The following RBFOX1 variants were observed in gnomAD, a reference collection of about 807,000 sequenced individuals.
RBFOX1 encodes RNA binding fox-1 homolog 1.
Under a neutral mutation model 57.7 loss-of-function variants are expected in RBFOX1, and 8 were observed. The observed-to-expected ratio is 0.14, with a 90% CI of 0.08 to 0.25. The LOEUF is 0.25. RBFOX1 is among the 10% of genes least tolerant of loss of function. The pLI is 1.00. For missense variants in RBFOX1, 611 were observed against 548.5 expected, an observed-to-expected ratio of 1.11 and a Z score of -1.14; for synonymous variants, 326 against 222.4, an observed-to-expected ratio of 1.47 and a Z score of -4.15.
At chr16:5,832,256 G>C (rs1469865763) in intron 3 of RBFOX1, among the ~76,000 whole-genome samples, 3 of 152,330 alleles carry the variant, frequency 2.0e-5, no homozygotes, top group South Asian at 4.2e-4. Flanking sequence ...CCTGAAACAG[G>C]AGTAAGGCTG....
chr16:5,888,479 A>G (rs1034095912), intron 4 of RBFOX1, among the ~76,000 whole-genome samples: 12 of 152,272 alleles, frequency 7.9e-5, no homozygotes, highest in Non-Finnish European at 1.2e-4. Context: ...TACTGAAACC[A>G]TAGTTGCCAA....
At chr16:7,368,766 C>T (rs914371258) in intron 4 of RBFOX1, among the ~76,000 whole-genome samples, 6 of 123,800 alleles carry the variant, frequency 4.8e-5, no homozygotes, top group African/African-American at 1.3e-4. Context: ...GGTGACAGAG[C>T]GAGACTCTGT....
At chr16:6,365,576 C>A (rs1005899795) in intron 2 of RBFOX1, among the ~76,000 whole-genome samples, 2 of 152,170 alleles carry the variant, frequency 1.3e-5, no homozygotes, top group East Asian at 1.9e-4. Flanking sequence ...TGGGGAGGGG[C>A]ACTGGGGTGC....
chr16:5,710,708 T>G (rs1461859676), intron 3 of RBFOX1, among the ~76,000 whole-genome samples: 6 of 152,182 alleles, frequency 3.9e-5, no homozygotes, highest in African/African-American at 1.4e-4. Context: ...TCAGACATGA[T>G]CACTTTGTGG....
upstream of RBFOX1, among the ~76,000 whole-genome samples, chr16:6,014,405 G>A (rs1329573686): frequency 6.6e-6 from 1 of 152,148 alleles, no homozygotes; most frequent in Non-Finnish European, 1.5e-5. Flanking sequence ...TGCAAAAGTT[G>A]CTGTCTTTTC....
chr16:5,824,932 G>A (rs2055982585), intron 3 of RBFOX1, among the ~76,000 whole-genome samples: 1 of 152,194 alleles, frequency 6.6e-6, no homozygotes, highest in Non-Finnish European at 1.5e-5. Context: ...TGGCTTGTGA[G>A]TGGGCTCTGT....
intron 1 of RBFOX1, among the ~76,000 whole-genome samples, chr16:6,277,212 G>A (rs1599092354): frequency 6.6e-6 from 1 of 152,072 alleles, no homozygotes; most frequent in Admixed American, 6.6e-5. Flanking sequence ...TGTAATCCCA[G>A]CACTTTGAGT....
intron 11 of RBFOX1, among the ~76,000 whole-genome samples, chr16:7,642,186 T>A (rs1307913208): frequency 6.6e-6 from 1 of 152,164 alleles, no homozygotes; most frequent in Non-Finnish European, 1.5e-5. Context: ...CACTCCTGGA[T>A]GGTAGTTCCT....
chr16:7,430,533 G>T (rs113794104), intron 4 of RBFOX1, among the ~76,000 whole-genome samples: 1 of 151,958 alleles, frequency 6.6e-6, no homozygotes, highest in South Asian at 2.1e-4. Flanking sequence ...GTGGTGGCAC[G>T]TGCCTGTAGT....
chr16:6,967,134 ACATT>A (rs2084434261), intron 3 of RBFOX1, among the ~76,000 whole-genome samples: 11 of 152,138 alleles, frequency 7.2e-5, no homozygotes, highest in Middle Eastern at 3.4e-3. Context: ...ATCTATTTAA[ACATT>A]CATCCATTCA....
intron 3 of RBFOX1, among the ~76,000 whole-genome samples, chr16:6,830,640 TAG>T (rs1413475336): frequency 6.6e-6 from 1 of 152,162 alleles, no homozygotes; most frequent in African/African-American, 2.4e-5. Context: ...CCACAGTATA[TAG>T]AACAGCTCTT....
chr16:7,612,292 G>C (rs1011864636), intron 10 of RBFOX1, among the ~76,000 whole-genome samples: 2 of 130,566 alleles, frequency 1.5e-5, no homozygotes, highest in Non-Finnish European at 3.1e-5. Context: ...CTGCACTCCA[G>C]CCTGGGTAAC....
At chr16:6,051,430 C>T (rs187306000) in intron 1 of RBFOX1, among the ~76,000 whole-genome samples, 87 of 152,252 alleles carry the variant, frequency 5.7e-4, no homozygotes, top group Non-Finnish European at 1.0e-3. Flanking sequence ...TGGGTTCAAG[C>T]GATTCTCATG....
At chr16:7,040,897 G>A (rs751734526) in intron 3 of RBFOX1, among the ~76,000 whole-genome samples, 127 of 146,322 alleles carry the variant, frequency 8.7e-4, no homozygotes, top group Middle Eastern at 7.0e-3. Flanking sequence ...TTTTTTTTTT[G>A]TTTTGTTTTT....
At chr16:6,396,796 T>TA (rs559055798) in intron 2 of RBFOX1, among the ~76,000 whole-genome samples, 176 of 151,864 alleles carry the variant, frequency 1.2e-3, no homozygotes, top group African/African-American at 3.8e-3. Flanking sequence ...AACCCTGACA[T>TA]AAAAAAAATG....
chr16:7,606,239 G>A (rs540090954), intron 9 of RBFOX1, among the ~76,000 whole-genome samples: 6 of 150,516 alleles, frequency 4.0e-5, no homozygotes, highest in Admixed American at 6.7e-5. Flanking sequence ...CTCCTGCCTC[G>A]GACTCCCAAG....
rs933336038 is a variant in RBFOX1, at chr16:7,256,627, C to T, written c.27+204529C>T. ...CTTCTGGATGGCCACAAACCAAAGTCATATCTAAAATTTCTTACCCTCTTG... is the reference window on the plus strand; with the variant it reads ...CTTCTGGATGGCCACAAACCAAAGTTATATCTAAAATTTCTTACCCTCTTG... On this transcript the variant is annotated intron_variant, in intron 4 of 15. Coordinates refer to ENST00000550418, the MANE Select transcript of RBFOX1 (RefSeq NM_018723.4). Among the ~76,000 whole-genome samples the T allele has an allele frequency of 2.6e-5, 4 of 152,146 alleles. No homozygotes were observed. The East Asian group carries it at 7.7e-4, about 29-fold the overall frequency.
intron 1 of RBFOX1, among the ~76,000 whole-genome samples, chr16:6,268,288 T>C (rs2074779808): frequency 6.6e-6 from 1 of 152,234 alleles, no homozygotes; most frequent in East Asian, 1.9e-4. Flanking sequence ...CTAGCAGGTA[T>C]GGAGCAGGTC....
At position 6,982,992 on chromosome 16, in the gene RBFOX1, C is replaced by CT. The variant is rs1348002872; in HGVS notation, c.-15-69064dup. ...CTGGGTGACAAGAGTGAGACTCTGT[C>CT]TAAAAAAAAAAAAAAAAAAAAAAAA... On this transcript the variant is annotated intron_variant, in intron 3 of 15. Coordinates refer to ENST00000550418, the MANE Select transcript of RBFOX1 (RefSeq NM_018723.4). Among the ~76,000 whole-genome samples the CT allele has an allele frequency of 1.8e-3, 43 of 23,642 alleles. 1 individual carries two copies. Among genetic ancestry groups the CT allele is most frequent in the Admixed American group, 0.013 (34 of 2,578 alleles). The allele number at this position is 23,642 out of a possible 152,430, so 15.5% of individuals were successfully genotyped here.
Sources: allele counts gnomAD v4.1 joint callset (sites outside exome capture counted in the v4.1 genomes callset), GRCh38; gene constraint gnomAD v4.1.1; transcripts MANE v1.5; gene names NCBI Gene and HGNC (gene_info 2026-07-23, HGNC 2026-07-21).